GYS2: variants seen among roughly 807,000 people sequenced by gnomAD.
GYS2 encodes the protein glycogen [starch] synthase, liver.
GYS2 carries 80 observed loss-of-function variants against 85.6 expected under a neutral mutation model. That is an observed-to-expected ratio of 0.93 (90% CI 0.78 to 1.13). The LOEUF is 1.13. GYS2 is among the 50% of genes most tolerant of loss of function. The probability of loss-of-function intolerance (pLI) is 0.00; values close to 1 mark genes in which losing one functional copy is unlikely to be tolerated. For missense variants in GYS2, 881 were observed against 854.9 expected, an observed-to-expected ratio of 1.03 and a Z score of -0.38; for synonymous variants, 328 against 300.7, an observed-to-expected ratio of 1.09 and a Z score of -0.94.
At chr12:21,593,045 A>G (rs763856623) in intron 1 of GYS2, among the ~76,000 whole-genome samples, 24 of 152,112 alleles carry the variant, frequency 1.6e-4, no homozygotes, top group Non-Finnish European at 2.9e-4. Flanking sequence ...TATGTCAAGA[A>G]GAAAATTAAG....
chr12:21,540,322 A>G, intron 14 of GYS2, 88 bp downstream of exon 14: 1 of 1,105,016 alleles, frequency 9.0e-7, no homozygotes, highest in Non-Finnish European at 1.4e-6. Flanking sequence ...ATATTGGATT[A>G]ACTTTAGAGA....
chr12:21,559,612 C>T lies in GYS2; in HGVS notation c.1229+39G>A, dbSNP rs189151632. On this transcript the variant is annotated intron_variant, in intron 9 of 15. Coordinates refer to ENST00000261195, the MANE Select transcript of GYS2 (RefSeq NM_021957.4). ...AAATTGTTAAATTTGAATAGTGAAA[C>T]CTTAAGTGATTGAAGTAGAAAGCAT... 16 of 1,075,528 alleles carry T rather than the reference C, an allele frequency of 1.5e-5. No individual in the cohort carries two copies. The East Asian group carries it at 3.5e-4, about 24-fold the overall frequency. The allele number at this position is 1,075,528 out of a possible 1,614,324, so 66.6% of individuals were successfully genotyped here. A position where few individuals can be genotyped will look rare whatever the true frequency, so the allele number is the denominator to read the frequency against.
intron 1 of GYS2, among the ~76,000 whole-genome samples, chr12:21,593,670 T>C (rs1224929135): frequency 2.0e-5 from 3 of 152,152 alleles, no homozygotes; most frequent in Admixed American, 1.3e-4. Context: ...GGCTTTACTG[T>C]CAAATTTTAC....
chr12:21,562,868 A>G, intron 7 of GYS2, 50 bp downstream of exon 7: 1 of 1,605,562 alleles, frequency 6.2e-7, no homozygotes, highest in African/African-American at 1.3e-5. Context: ...TTCCCACAGA[A>G]GAAAGTTCTC....
rs1262428710 is a variant in GYS2 at position 21,553,389 on chromosome 12, C to A, written c.1422+4811G>T. On this transcript the variant is annotated intron_variant, in intron 11 of 15. Transcript: ENST00000261195. The stretch of plus-strand genomic sequence containing the variant: ...GCTGCCTTCTTTATAGATCTGCCAA[C>A]CCTGGAAATATAGCTCAGCTTTACT... Among the ~76,000 whole-genome samples the A allele has an allele frequency of 2.0e-5, 3 of 152,208 alleles. No individual in the cohort carries two copies. In the East Asian group the frequency reaches 5.8e-4, roughly 29 times the overall value.
intron 1 of GYS2, among the ~76,000 whole-genome samples, chr12:21,595,909 A>G (rs1944690436): frequency 6.6e-6 from 1 of 152,214 alleles, no homozygotes; most frequent in Non-Finnish European, 1.5e-5. Flanking sequence ...TCAACAAAAA[A>G]ATAATGGATT....
intron 4 of GYS2, among the ~76,000 whole-genome samples, chr12:21,571,496 AAC>A (rs1276677480): frequency 1.3e-5 from 2 of 152,204 alleles, no homozygotes; most frequent in African/African-American, 2.4e-5. Context: ...TAATCAATAA[AAC>A]ACAGTCCAGT....
At chr12:21,559,964 A>G (rs1401049422) in intron 8 of GYS2, among the ~76,000 whole-genome samples, 1 of 152,168 alleles carries the variant, frequency 6.6e-6, no homozygotes, top group Non-Finnish European at 1.5e-5. Flanking sequence ...GATGATTGGA[A>G]CAGGATAGAG....
At chr12:21,578,773 C>T (rs1342348733) in intron 2 of GYS2, among the ~76,000 whole-genome samples, 1 of 152,018 alleles carries the variant, frequency 6.6e-6, no homozygotes, top group African/African-American at 2.4e-5. Context: ...ATCTTGTCCC[C>T]TTCCCCATTC....
chr12:21,560,427 G>A lies in GYS2; in HGVS notation c.1128C>T (p.Asn376=), dbSNP rs139043251. Residue 376 remains asparagine, a synonymous_variant, in exon 8 of 16, where the codon AAC becomes AAT. Coordinates refer to ENST00000261195, the MANE Select transcript of GYS2 (RefSeq NM_021957.4). ...FIMPAKTNNF[N]VETLKGQAVR... is the part of the protein sequence containing the mutation. ...CTGCTTGTCCTTTCAGGGTTTCCAC[G>A]TTGAAATTATTTGTCTTGGCAGGCA... 892 of 1,609,588 alleles carry A rather than the reference G, an allele frequency of 5.5e-4. 6 individuals are homozygous for A. In the South Asian group the frequency reaches 9.2e-3, roughly 17 times the overall value.
intron 11 of GYS2, among the ~76,000 whole-genome samples, chr12:21,557,823 C>G (rs376555699): frequency 3.3e-5 from 5 of 151,894 alleles, no homozygotes; most frequent in Non-Finnish European, 7.4e-5. Context: ...GGTGTGGACC[C>G]GGGAGGCGGA....
intron 1 of GYS2, among the ~76,000 whole-genome samples, chr12:21,595,998 A>T (rs114904734): frequency 2.6e-3 from 395 of 152,304 alleles, no homozygotes; most frequent in African/African-American, 8.9e-3. Flanking sequence ...CACACATTCT[A>T]TTCAACAGCG....
At chr12:21,558,969 G>C in intron 10 of GYS2, 122 bp downstream of exon 10, 1 of 622,356 alleles carries the variant, frequency 1.6e-6, no homozygotes, top group Admixed American at 2.7e-5. Context: ...GACTATGTAA[G>C]AATGTCTTTT....
chr12:21,539,822 A>T (rs148984096), intron 14 of GYS2, among the ~76,000 whole-genome samples: 147 of 152,324 alleles, frequency 9.7e-4, no homozygotes, highest in Non-Finnish European at 1.7e-3. Flanking sequence ...GTGTGCAGAT[A>T]CTCAGCAAAT....
intron 4 of GYS2, among the ~76,000 whole-genome samples, chr12:21,573,569 G>C (rs1291258564): frequency 6.6e-6 from 1 of 152,120 alleles, no homozygotes. Context: ...ATAACTTCTT[G>C]TTCACCAAGG....
At position 21,580,328 on chromosome 12, in the gene GYS2, G is replaced by T; in HGVS notation, c.303+14C>A. ...TTTACTGAGAATTGCCAAGTGAAGTGTCAGTTCCTTTACCTGGCAGCCATG... is the reference window on the plus strand; with the variant it reads ...TTTACTGAGAATTGCCAAGTGAAGTTTCAGTTCCTTTACCTGGCAGCCATG... On this transcript the variant is annotated intron_variant, in intron 2 of 15. Transcript: ENST00000261195. 6.2e-7 allele frequency: 1 copy of T among 1,606,138 alleles called. No homozygotes were observed.
chr12:21,588,037 C>G (rs1944593373), intron 1 of GYS2, among the ~76,000 whole-genome samples: 1 of 152,182 alleles, frequency 6.6e-6, no homozygotes, highest in Non-Finnish European at 1.5e-5. Flanking sequence ...TGAGAATACA[C>G]AAATAATCTG....
chr12:21,558,345 G>T (rs1384679852), intron 10 of GYS2, 32 bp from the exon 11 acceptor site: 3 of 1,351,272 alleles, frequency 2.2e-6, no homozygotes, highest in South Asian at 2.3e-5. Context: ...AATATCAATT[G>T]CGGAAAGAAT....
At chr12:21,581,939 G>A (rs958157042) in intron 1 of GYS2, among the ~76,000 whole-genome samples, 10 of 152,002 alleles carry the variant, frequency 6.6e-5, no homozygotes, top group African/African-American at 2.4e-4. Context: ...TGTGGCCTAG[G>A]CAAAGAATTT....
Sources: allele counts gnomAD v4.1 joint callset (sites outside exome capture counted in the v4.1 genomes callset), GRCh38; gene constraint gnomAD v4.1.1; transcripts MANE v1.5; gene names NCBI Gene and HGNC (gene_info 2026-07-23, HGNC 2026-07-21).